The following GPX2 variants were observed in gnomAD, a reference collection of about 807,000 sequenced individuals.
GPX2 encodes the protein gastrointestinal glutathione peroxidase.
In GPX2, 21 loss-of-function variants were observed where a neutral mutation model predicts 14.1. The ratio of observed to expected loss-of-function variants is 1.48; its 90% CI spans 1.05 to 2.14. The LOEUF (loss-of-function observed/expected upper bound fraction) is 2.14, where lower values mean the gene tolerates loss of function less well. Among genes scored for constraint, GPX2 ranks in the 30% most tolerant of loss-of-function variants. GPX2 has a pLI of 0.00. For missense variants in GPX2, 241 were observed against 249.8 expected (o/e 0.96, Z 0.24); for synonymous variants, 94 against 95.2 (o/e 0.99, Z 0.07).
At chr14:64,942,187 T>C (rs1291287521) in intron 1 of GPX2, among the ~76,000 whole-genome samples, 1 of 152,216 alleles carries the variant, frequency 6.6e-6, no homozygotes, top group Non-Finnish European at 1.5e-5. Context: ...ACTCATTTAT[T>C]CAACAAATAT....
In GPX2 at chr14:64,942,660, A is replaced by C; in HGVS notation, c.67T>G (p.Phe23Val). ...ACGGCCCTGCCCCGGAACGTATTGA[A>C]ATCTACCTTCTCCCCATCCAGGCTG... Reference protein sequence around the residue: ...AISLDGEKVDFNTFRGRAVLI... With the variant: ...AISLDGEKVDVNTFRGRAVLI... The change falls in exon 1 of 2, where the codon TTC becomes GTC. Residue 23 changes from phenylalanine to valine, a missense_variant. Physicochemically the swap from Phe to Val is conservative, Grantham distance 50 (BLOSUM62 -1). Coordinates refer to ENST00000389614, the MANE Select transcript of GPX2 (RefSeq NM_002083.4). 6.2e-7 allele frequency: 1 copy of C among 1,614,216 alleles called. No individual in the cohort carries two copies. The highest frequency in any genetic ancestry group is 8.5e-7 in the Non-Finnish European group (1 of 1,180,036).
intron 1 of GPX2, chr14:64,941,346 G>A (rs1056855725): frequency 3.2e-6 from 4 of 1,253,858 alleles, no homozygotes; most frequent in Non-Finnish European, 4.1e-6. Context: ...GGGATTATAG[G>A]TGTGAGCCAC....
rs922068987 is a variant in GPX2 at position 64,941,480 on chromosome 14, T to A, written c.222+1025A>T. The A allele has an allele frequency of 3.9e-6, 5 of 1,288,772 alleles. No homozygotes were observed. The Admixed American group carries it at 1.1e-4, about 30-fold the overall frequency. The allele number at this position is 1,288,772 out of a possible 1,614,324, so 79.8% of individuals were successfully genotyped here. A position where few individuals can be genotyped will look rare whatever the true frequency, so the allele number is the denominator to read the frequency against. ...GTGAGGCTGGAGGTACTTCTGGGGC[T>A]GGAGGGACATCTCGAAAGAGGGTTT... On this transcript the variant is annotated intron_variant, in intron 1 of 1. Transcript: ENST00000389614.
chr14:64,942,737 A>G lies in GPX2; in HGVS notation c.-11T>C. The G allele has an allele frequency of 6.2e-7, 1 of 1,607,350 alleles. No homozygotes were observed. Among genetic ancestry groups the G allele is most frequent in the Non-Finnish European group, 8.5e-7 (1 of 1,174,560 alleles). On this transcript the variant is annotated 5_prime_UTR_variant, in exon 1 of 2. Coordinates refer to ENST00000389614, the MANE Select transcript of GPX2 (RefSeq NM_002083.4). Reference sequence around the variant, plus strand: ...GGCAATGAAAGCCATGGTGAAGCGCAGAGTGAGCCCCGCAGAGAGGCCTGA... The same window carrying G: ...GGCAATGAAAGCCATGGTGAAGCGCGGAGTGAGCCCCGCAGAGAGGCCTGA...
chr14:64,940,587 T>C lies in GPX2; in HGVS notation c.223-749A>G, dbSNP rs1460230982. ...AGCAAGTTCAAGGCAACAATGAATGTGTACTCTAAATGGAACTACTTAGTA... is the reference window on the plus strand; with the variant it reads ...AGCAAGTTCAAGGCAACAATGAATGCGTACTCTAAATGGAACTACTTAGTA... On this transcript the variant is annotated intron_variant, in intron 1 of 1. Coordinates refer to ENST00000389614, the MANE Select transcript of GPX2 (RefSeq NM_002083.4). The surrounding 1 kb of genome is among the most constrained non-coding windows in gnomAD (Gnocchi z 4.5). 1.3e-5 allele frequency among the ~76,000 whole-genome samples: 2 copies of C among 152,228 alleles called. No homozygotes were observed. Among genetic ancestry groups the C allele is most frequent in the African/African-American group, 4.8e-5 (2 of 41,458 alleles).
Position 64,939,836 on chromosome 14 carries a change from C to A in GPX2, c.225G>T (p.Glu75Asp), listed in dbSNP as rs1285532929. The change falls in exon 2 of 2, where the codon GAG (glutamate) becomes GAT (aspartate). Residue 75 changes from glutamate (E) to aspartate (D), a missense_variant and splice_region_variant. Transcript: ENST00000389614. This position sits in a 1 kb window ranked among gnomAD's most constrained non-coding sequence, Gnocchi z 5.7. The stretch of plus-strand genomic sequence containing the variant: ...TCAGGATCTCCTCATTCTGACAGTT[C>A]TCCTAGGGGAGGAAAAAGACAAAGT... ...GFPCNQFGHQ[E>D]NCQNEEILNS... The A allele has an allele frequency of 6.2e-7, 1 of 1,611,634 alleles. No homozygotes were observed. Among genetic ancestry groups the A allele is most frequent in the Non-Finnish European group, 8.5e-7 (1 of 1,178,246 alleles).
In GPX2 at chr14:64,939,636, C is replaced by CA. The variant is rs1233972687; in HGVS notation, c.424dup (p.Trp142LeufsTer?). On this transcript the variant is annotated frameshift_variant, in exon 2 of 2. Transcript: ENST00000389614. LOFTEE classifies it high-confidence loss of function. The surrounding 1 kb of genome is among the most constrained non-coding windows in gnomAD (Gnocchi z 5.7). ...CACATCTGAGCGGCGCACAGGGCTC[C>CA]AAATGATGAGCTTGGGATCGGTCAT... 3 of 1,614,000 alleles carry CA rather than the reference C, an allele frequency of 1.9e-6. No homozygotes were observed. Among genetic ancestry groups the CA allele is most frequent in the African/African-American group, 2.7e-5 (2 of 74,878 alleles).
In GPX2 at chr14:64,939,887, A is replaced by G; in HGVS notation, c.223-49T>C. ...GCGTGGACAGTGGGTGGGGGAAGAGAAAGATCCACAACATGAAACTCTTTC... is the reference window on the plus strand; with the variant it reads ...GCGTGGACAGTGGGTGGGGGAAGAGGAAGATCCACAACATGAAACTCTTTC... On this transcript the variant is annotated intron_variant, in intron 1 of 1. Coordinates refer to ENST00000389614, the MANE Select transcript of GPX2 (RefSeq NM_002083.4). The surrounding 1 kb of genome is among the most constrained non-coding windows in gnomAD (Gnocchi z 5.7). 1.3e-6 allele frequency: 2 copies of G among 1,585,606 alleles called. No homozygotes were observed. The highest frequency in any genetic ancestry group is 1.7e-6 in the Non-Finnish European group (2 of 1,164,682).
rs551541593 is a variant in GPX2, at chr14:64,940,668, G to C, written c.223-830C>G. ...GATTTAGGGTTTGGCAATAGGCCAG[G>C]GGGAGGGGGAGTTGAGGAAATAAGT... is the stretch of plus-strand genomic sequence containing the variant. On this transcript the variant is annotated intron_variant, in intron 1 of 1. Coordinates refer to ENST00000389614, the MANE Select transcript of GPX2 (RefSeq NM_002083.4). This position sits in a 1 kb window ranked among gnomAD's most constrained non-coding sequence, Gnocchi z 4.5. Among the ~76,000 whole-genome samples, 1 of 152,182 alleles carries C rather than the reference G, an allele frequency of 6.6e-6. No homozygotes were observed. Among genetic ancestry groups the C allele is most frequent in the Admixed American group, 6.5e-5 (1 of 15,286 alleles).
rs968895619 is a variant in GPX2 at position 64,939,161 on chromosome 14, C to T, written c.*327G>A. On this transcript the variant is annotated 3_prime_UTR_variant, in exon 2 of 2. Transcript: ENST00000389614. The surrounding 1 kb of genome is among the most constrained non-coding windows in gnomAD (Gnocchi z 5.7). ...GAACACACACACAGGCTGGCCGTTT[C>T]CACACCTGCCCTTTATTGGTCTCTT... 1.6e-5 allele frequency: 4 copies of T among 246,114 alleles called. No homozygotes were observed. Among genetic ancestry groups the T allele is most frequent in the Non-Finnish European group, 2.4e-5 (3 of 126,246 alleles). 15.2% of individuals were successfully genotyped at this position (246,114 alleles called of 1,614,324 possible).
intron 1 of GPX2, chr14:64,941,603 C>A (rs1885642829): frequency 8.5e-7 from 1 of 1,170,930 alleles, no homozygotes; most frequent in African/African-American, 1.6e-5. Context: ...TTGTCACAGC[C>A]AGTGATGCTT....
intron 1 of GPX2, chr14:64,941,470 C>T (rs1566836981): frequency 1.6e-6 from 2 of 1,288,826 alleles, no homozygotes; most frequent in Non-Finnish European, 2.0e-6. Flanking sequence ...GCTGGAGGTA[C>T]TTCTGGGGCT....
rs1885530703 is a variant in GPX2, at chr14:64,939,893, C to G, written c.223-55G>C. The G allele has an allele frequency of 6.3e-7, 1 of 1,578,204 alleles. No homozygotes were observed. Among genetic ancestry groups the G allele is most frequent in the African/African-American group, 1.3e-5 (1 of 74,226 alleles). Reference sequence around the variant, plus strand: ...ACAGTGGGTGGGGGAAGAGAAAGATCCACAACATGAAACTCTTTCACCCTC... The same window carrying G: ...ACAGTGGGTGGGGGAAGAGAAAGATGCACAACATGAAACTCTTTCACCCTC... On this transcript the variant is annotated intron_variant, in intron 1 of 1. Transcript: ENST00000389614. The surrounding 1 kb of genome is among the most constrained non-coding windows in gnomAD (Gnocchi z 5.7).
Position 64,940,240 on chromosome 14 carries a change from G to T in GPX2, c.223-402C>A. 2 of 1,210,538 alleles carry T rather than the reference G, an allele frequency of 1.7e-6. No homozygotes were observed. Among genetic ancestry groups the T allele is most frequent in the Non-Finnish European group, 2.2e-6 (2 of 916,138 alleles). The allele number at this position is 1,210,538 out of a possible 1,614,324, so 75.0% of individuals were successfully genotyped here. On this transcript the variant is annotated intron_variant, in intron 1 of 1. Coordinates refer to ENST00000389614, the MANE Select transcript of GPX2 (RefSeq NM_002083.4). The surrounding 1 kb of genome is among the most constrained non-coding windows in gnomAD (Gnocchi z 4.5). ...CAGAAGAAAGAGAAAAGAGGCTTAG[G>T]TTATACTGCTTAGAACCTCCTCTTC...
chr14:64,939,222 G>T lies in GPX2; in HGVS notation c.*266C>A. ...GGCTCCAGGCCCTTCACGCCTCTCA[G>T]ACACCACCCATGAGGGTTTAGGAAG... On this transcript the variant is annotated 3_prime_UTR_variant, in exon 2 of 2. Transcript: ENST00000389614. The surrounding 1 kb of genome is among the most constrained non-coding windows in gnomAD (Gnocchi z 5.7). 2.2e-6 allele frequency: 1 copy of T among 450,308 alleles called. No homozygotes were observed. The allele number at this position is 450,308 out of a possible 1,614,324, so 27.9% of individuals were successfully genotyped here. A position where few individuals can be genotyped will look rare whatever the true frequency, so the allele number is the denominator to read the frequency against.
At position 64,942,488 on chromosome 14, in the gene GPX2, A is replaced by G. The variant is rs746816458; in HGVS notation, c.222+17T>C. ...CAACCCAACACTTTTGGTGCATTAC[A>G]AGGAGGGACCCCTCACCTGATGTCC... On this transcript the variant is annotated intron_variant, in intron 1 of 1. Coordinates refer to ENST00000389614, the MANE Select transcript of GPX2 (RefSeq NM_002083.4). 2.5e-6 allele frequency: 4 copies of G among 1,606,782 alleles called. No homozygotes were observed. Among genetic ancestry groups the G allele is most frequent in the Middle Eastern group, 1.8e-4 (1 of 5,582 alleles).
chr14:64,939,539 T>A lies in GPX2; in HGVS notation c.522A>T (p.Pro174=). The A allele has an allele frequency of 6.2e-7, 1 of 1,614,120 alleles. No homozygotes were observed. The highest frequency in any genetic ancestry group is 8.5e-7 in the Non-Finnish European group (1 of 1,180,020). ...EPFRRYSRTF[P]TINIEPDIKR... is the part of the protein sequence containing the mutation. ...TGATGTCAGGCTCAATGTTGATGGT[T>A]GGGAAGGTGCGGCTGTAGCGTCGGA... Residue 174 remains proline (P), a synonymous_variant, in exon 2 of 2, where the codon CCA becomes CCT. Transcript: ENST00000389614. The surrounding 1 kb of genome is among the most constrained non-coding windows in gnomAD (Gnocchi z 5.7).
At chr14:64,942,077 G>A (rs1034046118) in intron 1 of GPX2, among the ~76,000 whole-genome samples, 2 of 152,158 alleles carry the variant, frequency 1.3e-5, no homozygotes, top group African/African-American at 2.4e-5. Context: ...CGCCCTTTCC[G>A]AGGGCACAGA....
At position 64,940,048 on chromosome 14, in the gene GPX2, C is replaced by G; in HGVS notation, c.223-210G>C. ...CCTCCTGCTTCAGCCTCTTTAGTAG[C>G]TGAGACTACAGACACAGGCCACCAT... On this transcript the variant is annotated intron_variant, in intron 1 of 1. Transcript: ENST00000389614. The surrounding 1 kb of genome is among the most constrained non-coding windows in gnomAD (Gnocchi z 4.5). 3 of 1,478,546 alleles carry G rather than the reference C, an allele frequency of 2.0e-6. No individual in the cohort carries two copies. Among genetic ancestry groups the G allele is most frequent in the Non-Finnish European group, 1.8e-6 (2 of 1,116,354 alleles). 91.6% of individuals were successfully genotyped at this position (1,478,546 alleles called of 1,614,324 possible).
Sources: gnomAD v4.1 joint callset for allele counts (sites outside exome capture counted in the v4.1 genomes callset) on GRCh38, gnomAD v4.1.1 for gene constraint, Gnocchi (gnomAD v3.1) non-coding constraint, MANE v1.5 for transcripts, NCBI Gene and HGNC (gene_info 2026-07-23, HGNC 2026-07-21) for gene names.